The following RPS6KA5 variants were observed in gnomAD, a reference collection of about 807,000 sequenced individuals.
RPS6KA5 encodes ribosomal protein S6 kinase alpha-5.
RPS6KA5 carries 27 observed loss-of-function variants against 85.5 expected under a neutral mutation model. The observed-to-expected ratio is 0.32, with a 90% CI of 0.23 to 0.44. RPS6KA5 has a LOEUF of 0.44. Among genes scored for constraint, RPS6KA5 ranks in the 20% least tolerant of loss-of-function variants. The pLI is 1.00. For synonymous variants in RPS6KA5, 334 were observed against 348.2 expected (o/e 0.96, Z 0.46); for missense variants, 811 against 980.9 (o/e 0.83, Z 2.31).
chr14:90,878,922 T>C (rs756636841), intron 14 of RPS6KA5, among the ~76,000 whole-genome samples: 1 of 152,198 alleles, frequency 6.6e-6, no homozygotes, highest in Non-Finnish European at 1.5e-5. Context: ...ACTTGGGCCA[T>C]AGGTTTCAGT....
chr14:90,875,844 T>C lies in RPS6KA5; in HGVS notation c.1837-484A>G, dbSNP rs370553265. 2.2e-3 allele frequency among the ~76,000 whole-genome samples: 299 copies of C among 137,512 alleles called. 1 individual carries two copies. In the Middle Eastern group the frequency reaches 0.027, roughly 12 times the overall value. The allele number at this position is 137,512 out of a possible 152,430, so 90.2% of individuals were successfully genotyped here. A position where few individuals can be genotyped will look rare whatever the true frequency, so the allele number is the denominator to read the frequency against. ...ACATGTTCTCACTCATAGGTGGGAA[T>C]TGAACAATGAGAACACATGGACACA... On this transcript the variant is annotated intron_variant, in intron 14 of 16. Transcript: ENST00000614987.
chr14:91,009,032 T>A (rs1194924084), intron 1 of RPS6KA5, among the ~76,000 whole-genome samples: 3 of 152,258 alleles, frequency 2.0e-5, no homozygotes, highest in African/African-American at 7.2e-5. Flanking sequence ...GTGCTGAAAC[T>A]ACAAAAGGCA....
intron 1 of RPS6KA5, among the ~76,000 whole-genome samples, chr14:91,039,943 G>A (rs2042542969): frequency 1.3e-5 from 2 of 152,186 alleles, no homozygotes; most frequent in South Asian, 4.1e-4. Flanking sequence ...CTTAGACTAT[G>A]GTAATGGCAA....
chr14:91,019,977 T>C (rs1237673759), intron 1 of RPS6KA5, among the ~76,000 whole-genome samples: 3 of 152,236 alleles, frequency 2.0e-5, no homozygotes, highest in Non-Finnish European at 2.9e-5. Context: ...TCTAGCCTAT[T>C]GCTCCTGGGC....
chr14:91,022,529 G>C (rs1406892579), intron 1 of RPS6KA5, among the ~76,000 whole-genome samples: 1 of 152,096 alleles, frequency 6.6e-6, no homozygotes, highest in Non-Finnish European at 1.5e-5. Flanking sequence ...AGAAAAAAAA[G>C]GTTGAGCATC....
intron 1 of RPS6KA5, among the ~76,000 whole-genome samples, chr14:91,059,730 T>C (rs978483859): frequency 7.2e-5 from 11 of 152,198 alleles, no homozygotes; most frequent in African/African-American, 2.7e-4. Flanking sequence ...AGGCCAAGTA[T>C]AGTATTTCAT....
chr14:91,048,764 AACTGTGACAACCCCTCCCTCCCACAGC>A (rs1439853187), intron 1 of RPS6KA5, among the ~76,000 whole-genome samples: 5 of 152,348 alleles, frequency 3.3e-5, no homozygotes. Flanking sequence ...CAAAGGAGAT[AACTGTGACAACCCCTCCCTCCCACAGC>A]ACTTTAGGAT....
rs149165455 is a variant in RPS6KA5 at position 90,934,785 on chromosome 14, G to T, written c.618+8293C>A. Among the ~76,000 whole-genome samples, 1,166 of 152,256 alleles carry T rather than the reference G, an allele frequency of 7.7e-3. 14 individuals are homozygous for T. Among genetic ancestry groups the T allele is most frequent in the African/African-American group, 0.026 (1,080 of 41,546 alleles). On this transcript the variant is annotated intron_variant, in intron 5 of 16. Coordinates refer to ENST00000614987, the MANE Select transcript of RPS6KA5 (RefSeq NM_004755.4). The stretch of plus-strand genomic sequence containing the variant: ...CCCTATTTACCCCCCAACCTTTGGA[G>T]GGGAATCAAAGGTCTGCTCAGATAT...
chr14:91,050,275 G>A (rs934441049), intron 1 of RPS6KA5, among the ~76,000 whole-genome samples: 1 of 152,158 alleles, frequency 6.6e-6, no homozygotes, highest in Admixed American at 6.5e-5. Context: ...TAGCTACTTG[G>A]GAGGCTGAGG....
intron 4 of RPS6KA5, among the ~76,000 whole-genome samples, chr14:90,945,133 T>A (rs925247936): frequency 1.3e-5 from 2 of 151,786 alleles, no homozygotes; most frequent in African/African-American, 4.8e-5. Flanking sequence ...ATGCCTGTTG[T>A]CCCAGCTACT....
At chr14:91,024,216 T>C (rs921727721) in intron 1 of RPS6KA5, among the ~76,000 whole-genome samples, 2 of 152,190 alleles carry the variant, frequency 1.3e-5, no homozygotes, top group African/African-American at 4.8e-5. Context: ...TCCTTTTTTT[T>C]CCCAGAATCA....
intron 5 of RPS6KA5, among the ~76,000 whole-genome samples, chr14:90,941,896 A>C (rs749163010): frequency 9.9e-5 from 15 of 152,218 alleles, no homozygotes; most frequent in Non-Finnish European, 1.8e-4. Flanking sequence ...AATCTGCTAC[A>C]ATTTGCTGAA....
chr14:90,910,285 T>C (rs965924485), intron 7 of RPS6KA5, among the ~76,000 whole-genome samples: 22 of 152,038 alleles, frequency 1.4e-4, no homozygotes, highest in African/African-American at 4.8e-4. Flanking sequence ...TAAAAATGAA[T>C]ATAAAATTTC....
chr14:91,010,751 A>G (rs559861631), intron 1 of RPS6KA5, among the ~76,000 whole-genome samples: 1 of 152,342 alleles, frequency 6.6e-6, no homozygotes, highest in South Asian at 2.1e-4. Context: ...CTTAAGACAG[A>G]TGACAGAGAA....
At position 91,010,057 on chromosome 14, in the gene RPS6KA5, C is replaced by T. The variant is rs371438721; in HGVS notation, c.104-8898G>A. ...AGCGATTTTTTTTTTTTTTTAAGAA[C>T]CATTAATAGGGGAAGAATGAGAAAA... On this transcript the variant is annotated intron_variant, in intron 1 of 16. Transcript: ENST00000614987. Among the ~76,000 whole-genome samples the T allele has an allele frequency of 2.0e-5, 3 of 146,848 alleles. No individual in the cohort carries two copies. In the East Asian group the frequency reaches 5.9e-4, roughly 29 times the overall value.
At chr14:90,987,594 T>C (rs972816521) in intron 2 of RPS6KA5, among the ~76,000 whole-genome samples, 3 of 152,196 alleles carry the variant, frequency 2.0e-5, no homozygotes, top group Admixed American at 6.5e-5. Context: ...AAGATGGCAC[T>C]GAAGGCTGGG....
At chr14:90,999,680 C>T (rs866922115) in intron 2 of RPS6KA5, among the ~76,000 whole-genome samples, 2 of 152,156 alleles carry the variant, frequency 1.3e-5, no homozygotes, top group Non-Finnish European at 2.9e-5. Flanking sequence ...ATGGCAAGGC[C>T]TAGTGTAAAA....
At position 91,021,516 on chromosome 14, in the gene RPS6KA5, G is replaced by A. The variant is rs184008172; in HGVS notation, c.104-20357C>T. The stretch of plus-strand genomic sequence containing the variant: ...ATAAGCCAGGCATGGTGGTTCTCGC[G>A]ATTCTCCTGCCTCAGCCTCCTGAGT... On this transcript the variant is annotated intron_variant, in intron 1 of 16. Coordinates refer to ENST00000614987, the MANE Select transcript of RPS6KA5 (RefSeq NM_004755.4). Among the ~76,000 whole-genome samples the A allele has an allele frequency of 3.3e-5, 5 of 152,200 alleles. No individual in the cohort carries two copies. In the South Asian group the frequency reaches 6.2e-4, roughly 19 times the overall value.
At chr14:91,029,084 G>A (rs2042090343) in intron 1 of RPS6KA5, among the ~76,000 whole-genome samples, 1 of 152,178 alleles carries the variant, frequency 6.6e-6, no homozygotes, top group South Asian at 2.1e-4. Flanking sequence ...ATGATAGCAC[G>A]TTGATAAACA....
Sources: gnomAD v4.1 joint callset for allele counts (sites outside exome capture counted in the v4.1 genomes callset) on GRCh38, gnomAD v4.1.1 for gene constraint, MANE v1.5 for transcripts, NCBI Gene and HGNC (gene_info 2026-07-23, HGNC 2026-07-21) for gene names.